Variants in PDE4D observed in about 807,000 individuals in gnomAD.
PDE4D encodes the protein 3',5'-cyclic-AMP phosphodiesterase 4D.
PDE4D carries 24 observed loss-of-function variants against 87.4 expected under a neutral mutation model. The ratio of observed to expected loss-of-function variants is 0.27; its 90% CI spans 0.20 to 0.39. PDE4D has a LOEUF of 0.39. Ranked by LOEUF, PDE4D falls within the 10% of genes least tolerant of loss-of-function variation. The pLI, the probability that PDE4D is intolerant of heterozygous loss-of-function variation, is 1.00. For synonymous variants in PDE4D, 384 were observed against 383.2 expected (o/e 1.00, Z -0.02); for missense variants, 714 against 1,041.0 (o/e 0.69, Z 4.32).
intron 1 of PDE4D, among the ~76,000 whole-genome samples, chr5:59,787,902 T>G (rs1765346932): frequency 6.6e-6 from 1 of 152,162 alleles, no homozygotes. Context: ...AAGAGACACA[T>G]CTTAAAAATG....
chr5:59,613,971 A>G (rs1829329466), intron 1 of PDE4D, among the ~76,000 whole-genome samples: 1 of 152,196 alleles, frequency 6.6e-6, no homozygotes, highest in African/African-American at 2.4e-5. Context: ...TTTTTAAAAA[A>G]AACTTTTTTC....
chr5:60,444,335 A>T (rs1388871891), intron 1 of PDE4D, among the ~76,000 whole-genome samples: 1 of 151,954 alleles, frequency 6.6e-6, no homozygotes, highest in Non-Finnish European at 1.5e-5. Flanking sequence ...CCATACATTC[A>T]TTGTTTGCAT....
chr5:59,035,901 T>C (rs1477892340), intron 6 of PDE4D, among the ~76,000 whole-genome samples: 1 of 152,192 alleles, frequency 6.6e-6, no homozygotes. Context: ...TTAAATGCCA[T>C]CTGGAATCTC....
intron 1 of PDE4D, among the ~76,000 whole-genome samples, chr5:59,643,784 T>C (rs901621763): frequency 3.9e-5 from 6 of 152,204 alleles, no homozygotes; most frequent in African/African-American, 1.2e-4. Flanking sequence ...GTAAATTACT[T>C]TGAAAAATAT....
intron 5 of PDE4D, among the ~76,000 whole-genome samples, chr5:59,170,164 T>C (rs114717929): frequency 0.11 from 17,238 of 152,148 alleles, 1,385 homozygotes; most frequent in African/African-American, 0.23. Flanking sequence ...ATTACAGGTG[T>C]GCACCACCAT....
rs938441794 is a variant in PDE4D, at chr5:60,318,763, T to G, written c.-89-133076A>C. Among the ~76,000 whole-genome samples, 103 of 152,146 alleles carry G rather than the reference T, an allele frequency of 6.8e-4. 8 individuals carry two copies. Among genetic ancestry groups the G allele is most frequent in the Non-Finnish European group, 2.9e-5 (2 of 68,024 alleles). ...TTATGAAGCTTAGTTTGGCTGGATATGAAATTCTGGGTTGAAAATTCTTTT... is the reference window on the plus strand; with the variant it reads ...TTATGAAGCTTAGTTTGGCTGGATAGGAAATTCTGGGTTGAAAATTCTTTT... On this transcript the variant is annotated intron_variant, in intron 1 of 16. Coordinates refer to the PDE4D transcript ENST00000502484.
At chr5:59,522,860 A>C (rs1365463648) in intron 1 of PDE4D, among the ~76,000 whole-genome samples, 1 of 152,224 alleles carries the variant, frequency 6.6e-6, no homozygotes. Context: ...TCAGGAATGC[A>C]ACAACATTGA....
intron 1 of PDE4D, among the ~76,000 whole-genome samples, chr5:59,664,884 C>CTTCCAGT (rs1307933737): frequency 1.3e-5 from 2 of 152,146 alleles, no homozygotes; most frequent in Non-Finnish European, 2.9e-5. Flanking sequence ...TCTTTAGATA[C>CTTCCAGT]TTCCAGTTTT....
chr5:60,369,991 C>A (rs1307441278), intron 1 of PDE4D, among the ~76,000 whole-genome samples: 2 of 152,202 alleles, frequency 1.3e-5, no homozygotes, highest in Non-Finnish European at 2.9e-5. Flanking sequence ...TTATCATGAG[C>A]ATTCCTAGCA....
chr5:60,126,637 A>C (rs545498054), intron 2 of PDE4D, among the ~76,000 whole-genome samples: 2 of 152,234 alleles, frequency 1.3e-5, no homozygotes, highest in Non-Finnish European at 2.9e-5. Flanking sequence ...TGGGCTGGCC[A>C]ACAAGGCAAT....
At chr5:59,963,716 A>T (rs1437918117) in intron 3 of PDE4D, among the ~76,000 whole-genome samples, 1 of 152,138 alleles carries the variant, frequency 6.6e-6, no homozygotes, top group Non-Finnish European at 1.5e-5. Flanking sequence ...TTTTTGTCTA[A>T]CTTAATGTGG....
intron 2 of PDE4D, among the ~76,000 whole-genome samples, chr5:60,102,995 A>G (rs1776393840): frequency 6.6e-6 from 1 of 152,034 alleles, no homozygotes; most frequent in Non-Finnish European, 1.5e-5. Flanking sequence ...AAAAAACAGA[A>G]AACAGAAAAA....
At chr5:59,991,687 G>C (rs1386101146) in intron 2 of PDE4D, among the ~76,000 whole-genome samples, 1 of 151,934 alleles carries the variant, frequency 6.6e-6, no homozygotes, top group Non-Finnish European at 1.5e-5. Context: ...AACAAATATA[G>C]AAAAAAACAG....
At chr5:59,314,477 T>C (rs1773295936) in intron 1 of PDE4D, 1 of 152,122 alleles carries the variant, frequency 6.6e-6, no homozygotes, top group Non-Finnish European at 1.5e-5. Flanking sequence ...GAGACCTAGG[T>C]CAGAGAACTG....
At chr5:59,177,834 G>T (rs1193453279) in intron 5 of PDE4D, among the ~76,000 whole-genome samples, 3 of 152,164 alleles carry the variant, frequency 2.0e-5, no homozygotes, top group Non-Finnish European at 4.4e-5. Context: ...TGTACCTGGG[G>T]CCTCTAGTGA....
At chr5:59,896,365 G>T (rs978424358), upstream of PDE4D, among the ~76,000 whole-genome samples, 1 of 152,078 alleles carries the variant, frequency 6.6e-6, no homozygotes, top group African/African-American at 2.4e-5. Flanking sequence ...ACCTGGGGGA[G>T]CTTGAAAAAA....
chr5:59,143,199 T>A (rs190973996), intron 5 of PDE4D, among the ~76,000 whole-genome samples: 67 of 140,250 alleles, frequency 4.8e-4, no homozygotes, highest in African/African-American at 1.6e-3. Context: ...CTTCCCTCCC[T>A]CTTTTCCTTC....
intron 1 of PDE4D, among the ~76,000 whole-genome samples, chr5:60,454,589 A>C (rs897255544): frequency 6.6e-6 from 1 of 152,168 alleles, no homozygotes; most frequent in African/African-American, 2.4e-5. Flanking sequence ...CGTAAGTGGG[A>C]GCTAAACAAT....
At chr5:59,401,478 A>ATCTATCTATCTGTCTGTCTGTCTG (rs1554161243) in intron 1 of PDE4D, among the ~76,000 whole-genome samples, 1,668 of 150,972 alleles carry the variant, frequency 0.011, 11 homozygotes, top group Middle Eastern at 0.034. Context: ...CTATCTATCT[A>ATCTATCTATCTGTCTGTCTGTCTG]TCTATCTATT....
Sources: gnomAD v4.1 joint callset for allele counts (sites outside exome capture counted in the v4.1 genomes callset) on GRCh38, gnomAD v4.1.1 for gene constraint, MANE v1.5 for transcripts, NCBI Gene and HGNC (gene_info 2026-07-23, HGNC 2026-07-21) for gene names.